Variants in LOC128462377 observed in about 807,000 individuals in gnomAD.
At chr16:89,414,846 A>G in the LOC128462377 span, among the ~76,000 whole-genome samples, 1 of 152,220 alleles carries the variant, frequency 6.6e-6, no homozygotes, top group Admixed American at 6.5e-5. Flanking sequence ...GCGACTGTGG[A>G]TCTCATCTCA....
chr16:89,339,490 G>A, the LOC128462377 span, among the ~76,000 whole-genome samples: 1 of 152,220 alleles, frequency 6.6e-6, no homozygotes, highest in African/African-American at 2.4e-5. Flanking sequence ...CAGCGCATGT[G>A]AAGAGTCAGA....
chr16:89,385,188 G>GT, the LOC128462377 span, among the ~76,000 whole-genome samples: 1 of 146,826 alleles, frequency 6.8e-6, no homozygotes, highest in African/African-American at 2.5e-5. Context: ...GAGAAATGGT[G>GT]TTTTTTTGTT....
the LOC128462377 span, chr16:89,323,703 C>A: frequency 3.5e-6 from 1 of 286,156 alleles, no homozygotes; most frequent in Non-Finnish European, 6.8e-6. Context: ...CCAGCCTCCA[C>A]ACACCCCTGC....
the LOC128462377 span, among the ~76,000 whole-genome samples, chr16:89,396,308 T>C: frequency 6.6e-6 from 1 of 152,184 alleles, no homozygotes; most frequent in Non-Finnish European, 1.5e-5. Flanking sequence ...GTGCACACTG[T>C]GTGCTGACCT....
At chr16:89,329,647 A>G in the LOC128462377 span, among the ~76,000 whole-genome samples, 4 of 152,190 alleles carry the variant, frequency 2.6e-5, no homozygotes, top group Non-Finnish European at 5.9e-5. Flanking sequence ...AGTATGAGGT[A>G]GGAGGTAAGC....
chr16:89,349,861 AACACACACACACAC>A, the LOC128462377 span, among the ~76,000 whole-genome samples: 238 of 133,242 alleles, frequency 1.8e-3, 1 homozygote, highest in East Asian at 3.4e-3. Context: ...TACTTGTTAA[AACACACACACACAC>A]ACACACACAC....
chr16:89,390,357 G>A, the LOC128462377 span, among the ~76,000 whole-genome samples: 1 of 152,102 alleles, frequency 6.6e-6, no homozygotes, highest in African/African-American at 2.4e-5. Flanking sequence ...AACACCGAGT[G>A]TGGCGGGGAG....
chr16:89,347,283 T>C, the LOC128462377 span, among the ~76,000 whole-genome samples: 195 of 152,308 alleles, frequency 1.3e-3, no homozygotes, highest in African/African-American at 4.5e-3. Context: ...TGTGTGTACC[T>C]GTATGTGTGT....
the LOC128462377 span, among the ~76,000 whole-genome samples, chr16:89,323,577 CT>C: frequency 5.9e-5 from 2 of 34,054 alleles, no homozygotes; most frequent in East Asian, 1.3e-3. Context: ...GGCACGGGGG[CT>C]AAGCCCAGGG....
At chr16:89,363,481 T>A in the LOC128462377 span, among the ~76,000 whole-genome samples, 3 of 147,992 alleles carry the variant, frequency 2.0e-5, no homozygotes, top group Non-Finnish European at 1.5e-5. Context: ...ATAATAAAAT[T>A]AAAAAAAAAA....
the LOC128462377 span, among the ~76,000 whole-genome samples, chr16:89,349,237 A>C: frequency 6.6e-6 from 1 of 151,620 alleles, no homozygotes; most frequent in African/African-American, 2.4e-5. Flanking sequence ...AACAGAAAAG[A>C]CCAAAAACAG....
At chr16:89,397,533 G>A in the LOC128462377 span, among the ~76,000 whole-genome samples, 1 of 152,206 alleles carries the variant, frequency 6.6e-6, no homozygotes, top group African/African-American at 2.4e-5. Flanking sequence ...AGTCGTCCCT[G>A]ACGGGGAAGG....
the LOC128462377 span, among the ~76,000 whole-genome samples, chr16:89,406,959 C>T: frequency 1.3e-5 from 2 of 152,086 alleles, no homozygotes; most frequent in Non-Finnish European, 2.9e-5. Context: ...GAAGGGGGAG[C>T]AGATCACTTG....
the LOC128462377 span, among the ~76,000 whole-genome samples, chr16:89,383,205 G>C: frequency 8.5e-3 from 1,302 of 152,310 alleles, 40 homozygotes; most frequent in East Asian, 0.034. Flanking sequence ...CCTCAGGGAG[G>C]AAGAGGGAGG....
the LOC128462377 span, among the ~76,000 whole-genome samples, chr16:89,332,221 A>C: frequency 6.6e-6 from 1 of 152,220 alleles, no homozygotes; most frequent in African/African-American, 2.4e-5. Context: ...GAATCCTCAC[A>C]ATAAAGGATC....
At chr16:89,332,345 C>T in the LOC128462377 span, among the ~76,000 whole-genome samples, 2 of 152,220 alleles carry the variant, frequency 1.3e-5, no homozygotes, top group Non-Finnish European at 2.9e-5. Context: ...GGCCCAAGCA[C>T]CTCTGGTGGG....
chr16:89,371,881 C>T, the LOC128462377 span, among the ~76,000 whole-genome samples: 2 of 152,310 alleles, frequency 1.3e-5, no homozygotes, highest in African/African-American at 2.4e-5. Context: ...ACCTGGTGAC[C>T]GTGTGACTCC....
At chr16:89,353,342 CAA>C in the LOC128462377 span, among the ~76,000 whole-genome samples, 11 of 142,034 alleles carry the variant, frequency 7.7e-5, no homozygotes, top group African/African-American at 2.6e-4. Context: ...ACTCCAACTC[CAA>C]AAAAAAAGAG....
the LOC128462377 span, among the ~76,000 whole-genome samples, chr16:89,408,975 T>C: frequency 2.6e-5 from 4 of 152,004 alleles, no homozygotes; most frequent in East Asian, 7.8e-4. Context: ...GTAGGAGGAA[T>C]ACAGAAAAGG....
Sources: allele counts gnomAD v4.1 joint callset (sites outside exome capture counted in the v4.1 genomes callset), GRCh38; gene constraint gnomAD v4.1.1; transcripts MANE v1.5.